CDC7: variants seen among roughly 807,000 people sequenced by gnomAD.
The protein encoded by CDC7 is cell division cycle 7.
Under a neutral mutation model 53.5 loss-of-function variants are expected in CDC7, and 34 were observed. The ratio of observed to expected loss-of-function variants is 0.64; its 90% confidence interval spans 0.48 to 0.85. The LOEUF is 0.85. Among genes scored for constraint, CDC7 ranks in the 40% least tolerant of loss-of-function variants. The pLI, the probability that CDC7 is intolerant of heterozygous loss-of-function variation, is 0.00. For synonymous variants in CDC7, 211 were observed against 222.8 expected, an observed-to-expected ratio of 0.95 and a Z score of 0.47; for missense variants, 594 against 679.7, an observed-to-expected ratio of 0.87 and a Z score of 1.40.
Position 91,525,435 on chromosome 1 carries a change from G to A in CDC7, c.*1000G>A, listed in dbSNP as rs575873460. 2 of 151,466 alleles carry A rather than the reference G, an allele frequency of 1.3e-5. No individual in the cohort carries two copies. The highest frequency in any genetic ancestry group is 4.8e-5 in the African/African-American group (2 of 41,346). 9.4% of individuals were successfully genotyped at this position (151,466 alleles called of 1,614,324 possible). On this transcript the variant is annotated 3_prime_UTR_variant, in exon 12 of 12. Transcript: ENST00000234626. The stretch of plus-strand genomic sequence containing the variant: ...GGTTGGGAAGACAGATAATGAAGTA[G>A]GCAAAGAGAAAAGGACCCAAGATAG...
chr1:91,519,256 C>CAAAAAAAAAA lies in CDC7; in HGVS notation c.1181-857_1181-848dup, dbSNP rs71087957. On this transcript the variant is annotated intron_variant, in intron 10 of 11. Coordinates refer to ENST00000234626, the MANE Select transcript of CDC7 (RefSeq NM_003503.4). ...CAAAACCTCGTCTCTACTAAAAATA[C>CAAAAAAAAAA]AAAAAAAAAAAAAAAAAAAAAAAAA... is the stretch of plus-strand genomic sequence containing the variant. Among the ~76,000 whole-genome samples the CAAAAAAAAAA allele has an allele frequency of 8.3e-5, 5 of 60,172 alleles. 1 individual carries two copies. Among genetic ancestry groups the CAAAAAAAAAA allele is most frequent in the East Asian group, 1.1e-3 (2 of 1,834 alleles). The allele number at this position is 60,172 out of a possible 152,430, so 39.5% of individuals were successfully genotyped here.
chr1:91,516,791 G>A (rs888211803), intron 10 of CDC7, among the ~76,000 whole-genome samples: 6 of 152,162 alleles, frequency 3.9e-5, no homozygotes, highest in African/African-American at 9.7e-5. Context: ...TTGGCCAGAC[G>A]CGGTGGCTCA....
intron 10 of CDC7, 34 bp from the exon 11 acceptor site, chr1:91,520,096 G>A (rs758322709): frequency 3.0e-5 from 45 of 1,514,446 alleles, no homozygotes; most frequent in Non-Finnish European, 3.8e-5. Context: ...TTATAGATTT[G>A]AAATTTATTT....
At position 91,511,165 on chromosome 1, in the gene CDC7, A is replaced by G. The variant is rs187822053; in HGVS notation, c.336-432A>G. Among the ~76,000 whole-genome samples the G allele has an allele frequency of 3.3e-3, 507 of 152,040 alleles. 1 individual carries two copies. Among genetic ancestry groups the G allele is most frequent in the Non-Finnish European group, 5.7e-3 (386 of 67,930 alleles). On this transcript the variant is annotated intron_variant, in intron 4 of 11. Transcript: ENST00000234626. ...AAATCATAGAAATCACCTTTGTCCT[A>G]TTTTCCTCTTTTATGAAGCAGTGTA... is the stretch of plus-strand genomic sequence containing the variant.
rs1668181879 is a variant in CDC7 at position 91,524,864 on chromosome 1, G to A, written c.*429G>A. On this transcript the variant is annotated 3_prime_UTR_variant, in exon 12 of 12. Transcript: ENST00000234626. Reference sequence around the variant, plus strand: ...GTTTGGGGAAACTCAACCTGGTGCTGGTGCTCTTAACAATTTTGTAAATAA... The same window carrying A: ...GTTTGGGGAAACTCAACCTGGTGCTAGTGCTCTTAACAATTTTGTAAATAA... 1 of 152,364 alleles carries A rather than the reference G, an allele frequency of 6.6e-6. No homozygotes were observed. The highest frequency in any genetic ancestry group is 2.5e-5 in the African/African-American group (1 of 40,638). The allele number at this position is 152,364 out of a possible 1,614,324, so 9.4% of individuals were successfully genotyped here.
chr1:91,522,678 T>C (rs778435350), intron 11 of CDC7, among the ~76,000 whole-genome samples: 8 of 152,118 alleles, frequency 5.3e-5, no homozygotes, highest in East Asian at 3.8e-4. Flanking sequence ...ATATGAATAT[T>C]CCCCCCTGGC....
At chr1:91,519,281 AAGAG>A (rs1222283987) in intron 10 of CDC7, among the ~76,000 whole-genome samples, 59 of 139,568 alleles carry the variant, frequency 4.2e-4, no homozygotes, top group African/African-American at 1.4e-3. Context: ...AAAAAAAAAA[AAGAG>A]CTGGGCATGG....
intron 8 of CDC7, 132 bp from the exon 9 acceptor site, chr1:91,514,687 T>G: frequency 1.7e-6 from 1 of 593,346 alleles, no homozygotes; most frequent in Non-Finnish European, 2.8e-6. Context: ...TAGACAACAG[T>G]TTATTTACAG....
intron 11 of CDC7, 115 bp from the exon 12 acceptor site, chr1:91,523,920 GTGTGTC>G (rs1668124985): frequency 1.9e-6 from 1 of 539,300 alleles, no homozygotes; most frequent in Admixed American, 3.3e-5. Flanking sequence ...GTGTGTGTGT[GTGTGTC>G]CATGTCTATA....
chr1:91,507,749 A>T, intron 2 of CDC7, 105 bp from the exon 3 acceptor site: 1 of 749,324 alleles, frequency 1.3e-6, no homozygotes, highest in Non-Finnish European at 2.1e-6. Context: ...ATGTATAATT[A>T]ATTACTCATA....
chr1:91,504,048 C>T (rs957982360), intron 2 of CDC7, among the ~76,000 whole-genome samples: 1 of 151,386 alleles, frequency 6.6e-6, no homozygotes, highest in African/African-American at 2.4e-5. Flanking sequence ...TGCTGTAATG[C>T]ACAAACTATC....
intron 9 of CDC7, 47 bp from the exon 10 acceptor site, chr1:91,515,747 C>A: frequency 6.2e-7 from 1 of 1,606,372 alleles, no homozygotes; most frequent in Non-Finnish European, 8.5e-7. Context: ...TTTAGACTTA[C>A]ATAGTTCAAC....
chr1:91,511,360 C>A (rs950113556), intron 4 of CDC7, among the ~76,000 whole-genome samples: 1 of 152,080 alleles, frequency 6.6e-6, no homozygotes, highest in African/African-American at 2.4e-5. Context: ...CCAGTCACAA[C>A]TATAATTACC....
chr1:91,512,914 T>A, intron 6 of CDC7, 144 bp from the exon 7 acceptor site: 2 of 701,318 alleles, frequency 2.9e-6, no homozygotes, highest in Non-Finnish European at 4.6e-6. Context: ...AAACTTATTT[T>A]TTTTTCTTTT....
In CDC7 at chr1:91,524,299, C is replaced by T; in HGVS notation, c.1589C>T (p.Thr530Ile). ...SCEHCFDEYN[T>I]NLEGWNEVPD... ...GAGCATTGTTTTGATGAGTATAATA[C>T]CAATTTAGAAGGCTGGAATGAGGTA... Residue 530 changes from threonine to isoleucine, a missense_variant, in exon 12 of 12, where the codon ACC becomes ATC. Transcript: ENST00000234626. 1 of 1,613,936 alleles carries T rather than the reference C, an allele frequency of 6.2e-7. No homozygotes were observed. The highest frequency in any genetic ancestry group is 8.5e-7 in the Non-Finnish European group (1 of 1,179,930).
chr1:91,501,846 C>T lies in CDC7; in HGVS notation c.115+15C>T, dbSNP rs189693016. The T allele has an allele frequency of 4.6e-5, 71 of 1,544,436 alleles. No homozygotes were observed. In the African/African-American group the frequency reaches 6.9e-4, roughly 15 times the overall value. On this transcript the variant is annotated intron_variant, in intron 2 of 11. Coordinates refer to ENST00000234626, the MANE Select transcript of CDC7 (RefSeq NM_003503.4). ...TAAACTTGCAGGTACGTGTTTAAAT[C>T]CAAAGATGTACAGTTATAAAGATTT...
At chr1:91,522,106 A>T (rs547573844) in intron 11 of CDC7, among the ~76,000 whole-genome samples, 4 of 152,292 alleles carry the variant, frequency 2.6e-5, no homozygotes, top group African/African-American at 9.6e-5. Flanking sequence ...TGGAGGTTGC[A>T]GTGAGCCAAG....
At chr1:91,520,023 A>G (rs569211075) in intron 10 of CDC7, 107 bp from the exon 11 acceptor site, 18 of 841,904 alleles carry the variant, frequency 2.1e-5, no homozygotes, top group Non-Finnish European at 2.8e-5. Flanking sequence ...TGAAATTTTT[A>G]AGGCTCCCAA....
chr1:91,501,341 C>T (rs548027679), intron 1 of CDC7: 15 of 216,632 alleles, frequency 6.9e-5, no homozygotes, highest in Non-Finnish European at 1.3e-4. Context: ...TTCAAACCGC[C>T]CCCGGCGCTC....
Sources: gnomAD v4.1 joint callset for allele counts (sites outside exome capture counted in the v4.1 genomes callset) on GRCh38, gnomAD v4.1.1 for gene constraint, MANE v1.5 for transcripts, NCBI Gene and HGNC (gene_info 2026-07-23, HGNC 2026-07-21) for gene names.